The following POM121C variants were observed in gnomAD, a reference collection of about 807,000 sequenced individuals.
POM121C encodes nuclear envelope pore membrane protein POM 121C.
POM121C carries 20 observed loss-of-function variants against 66.4 expected under a neutral mutation model. The ratio of observed to expected loss-of-function variants is 0.30; its 90% CI spans 0.21 to 0.44. POM121C has a LOEUF of 0.44. POM121C is among the 20% of genes least tolerant of loss of function. The probability of loss-of-function intolerance (pLI) is 1.00; values close to 1 mark genes in which losing one functional copy is unlikely to be tolerated. For missense variants in POM121C, 580 were observed against 1,225.7 expected, an observed-to-expected ratio of 0.47 and a Z score of 7.87; for synonymous variants, 286 against 528.0, an observed-to-expected ratio of 0.54 and a Z score of 6.28.
At chr7:75,443,280 A>G (rs1399195468) in intron 3 of POM121C, among the ~76,000 whole-genome samples, 1 of 152,144 alleles carries the variant, frequency 6.6e-6, no homozygotes, top group Middle Eastern at 3.2e-3. Flanking sequence ...GTGGTTGCCT[A>G]GGGCTAAGGA....
At chr7:75,441,386 A>C (rs782443743) in intron 4 of POM121C, 46 bp downstream of exon 4, 15 of 1,583,126 alleles carry the variant, frequency 9.5e-6, no homozygotes, top group Non-Finnish European at 1.3e-5. Context: ...GAGAAGAATA[A>C]AGTGGACACG....
chr7:75,432,522 A>G (rs1423361491), intron 7 of POM121C, among the ~76,000 whole-genome samples: 3 of 152,228 alleles, frequency 2.0e-5, no homozygotes, highest in Non-Finnish European at 4.4e-5. Flanking sequence ...AAAAGGTGCT[A>G]ATAAGAAGGA....
rs1315094896 is a variant in POM121C, at chr7:75,437,828, T to A, written c.309-142A>T. 6.6e-6 allele frequency: 9 copies of A among 1,360,390 alleles called. No individual in the cohort carries two copies. In the African/African-American group the frequency reaches 1.3e-4, roughly 20 times the overall value. 84.3% of individuals were successfully genotyped at this position (1,360,390 alleles called of 1,614,324 possible). ...TTTTACTGCTAACAATCTGGCCAAA[T>A]CTATCTGACAAAGTCAGTAAGAAAA... On this transcript the variant is annotated intron_variant, in intron 6 of 14. Transcript: ENST00000615331.
chr7:75,470,965 C>T (rs1554478580), intron 3 of POM121C, among the ~76,000 whole-genome samples: 6 of 151,874 alleles, frequency 4.0e-5, no homozygotes. Context: ...AACTGGAACT[C>T]ATTTTTTTAA....
intron 3 of POM121C, 45 bp from the exon 4 acceptor site, chr7:75,441,692 A>G: frequency 6.8e-7 from 1 of 1,473,466 alleles, no homozygotes; most frequent in Non-Finnish European, 9.2e-7. Context: ...GTATAAAAGA[A>G]TGTCAAAATT....
At chr7:75,433,178 T>C (rs1790250741) in intron 7 of POM121C, among the ~76,000 whole-genome samples, 1 of 124,756 alleles carries the variant, frequency 8.0e-6, no homozygotes, top group Non-Finnish European at 1.6e-5. Flanking sequence ...GAGATTGCAG[T>C]GAGCTGAGAT....
At chr7:75,442,647 C>A in intron 3 of POM121C, 9 of 1,478,066 alleles carry the variant, frequency 6.1e-6, no homozygotes, top group Non-Finnish European at 8.0e-6. Context: ...CAGCCCCGGC[C>A]CCGGCCGTCC....
chr7:75,477,280 T>C (rs1554479527), intron 1 of POM121C, among the ~76,000 whole-genome samples: 3 of 152,074 alleles, frequency 2.0e-5, no homozygotes, highest in Admixed American at 6.6e-5. Context: ...TAGAGGAATA[T>C]AACTAAGAAA....
intron 7 of POM121C, among the ~76,000 whole-genome samples, chr7:75,430,912 T>TA (rs1790145926): frequency 6.6e-6 from 1 of 151,414 alleles, no homozygotes; most frequent in Admixed American, 6.6e-5. Flanking sequence ...CTGTCTTTAC[T>TA]AAAAATACAA....
rs1554470675 is a variant in POM121C, at chr7:75,421,682, C to T, written c.2570G>A (p.Gly857Asp). ...GAAAGCTCCGGTGGTGGCGCTGGAG[C>T]CTGGGGTGGCCACGTTGATCCCAAA... ...GSFGINVATP[G>D]SSATTGAFSF... The change falls in exon 13 of 15, where the codon GGC (glycine) becomes GAC (aspartate). Residue 857 changes from glycine to aspartate, a missense_variant. Physicochemically the swap from Gly to Asp is moderately conservative, Grantham distance 94. Coordinates refer to ENST00000615331, the MANE Select transcript of POM121C (RefSeq NM_001099415.3). The T allele has an allele frequency of 1.9e-6, 3 of 1,609,904 alleles. No homozygotes were observed. Among genetic ancestry groups the T allele is most frequent in the Non-Finnish European group, 2.5e-6 (3 of 1,178,638 alleles).
At chr7:75,453,599 GAC>G (rs1279877842) in intron 3 of POM121C, among the ~76,000 whole-genome samples, 1 of 148,394 alleles carries the variant, frequency 6.7e-6, no homozygotes, top group East Asian at 2.0e-4. Context: ...AAAAAAAAAA[GAC>G]ACAGTCTCAT....
chr7:75,465,895 CAAAAAAAAAAAAAA>C (rs35108311), intron 3 of POM121C, among the ~76,000 whole-genome samples: 5 of 15,222 alleles, frequency 3.3e-4, no homozygotes, highest in Admixed American at 1.2e-3. Flanking sequence ...CACCCTGTCT[CAAAAAAAAAAAAAA>C]AAAAAAAAAA....
In POM121C at chr7:75,425,176, C is replaced by T. The variant is rs782426956; in HGVS notation, c.666G>A (p.Arg222=). ...QGEKAADTTP[R]KKQNSNSQST... ...ACTGAGAATTCGAGTTTTGTTTCTT[C>T]CTTGGGGTTGTATCTGCAGCTAAAG... Residue 222 remains arginine, a synonymous_variant, in exon 10 of 15, where the codon AGG becomes AGA. Transcript: ENST00000615331. The T allele has an allele frequency of 6.7e-7, 1 of 1,485,400 alleles. No homozygotes were observed. Among genetic ancestry groups the T allele is most frequent in the East Asian group, 2.3e-5 (1 of 42,850 alleles). 92.0% of individuals were successfully genotyped at this position (1,485,400 alleles called of 1,614,324 possible).
At chr7:75,482,418 G>C (rs1196113309) in intron 1 of POM121C, among the ~76,000 whole-genome samples, 7 of 152,202 alleles carry the variant, frequency 4.6e-5, no homozygotes, top group Non-Finnish European at 8.8e-5. Context: ...TCTAGGCCGG[G>C]AGCAGTGGCT....
chr7:75,436,829 C>A (rs1368961781), intron 7 of POM121C, among the ~76,000 whole-genome samples: 2 of 151,982 alleles, frequency 1.3e-5, no homozygotes, highest in Non-Finnish European at 2.9e-5. Flanking sequence ...CTCTGTTGCA[C>A]AGGCTAGTCT....
At chr7:75,437,226 T>C (rs1790452260) in intron 7 of POM121C, among the ~76,000 whole-genome samples, 1 of 152,266 alleles carries the variant, frequency 6.6e-6, no homozygotes, top group Non-Finnish European at 1.5e-5. Flanking sequence ...CAATGATCTG[T>C]ATTTTCTATT....
intron 7 of POM121C, among the ~76,000 whole-genome samples, chr7:75,431,429 C>A (rs1696881939): frequency 1.3e-5 from 2 of 151,180 alleles, no homozygotes; most frequent in African/African-American, 4.9e-5. Flanking sequence ...CATGCAGAAA[C>A]CCCATCTCCA....
At position 75,422,003 on chromosome 7, in the gene POM121C, G is replaced by C. The variant is rs782811296; in HGVS notation, c.2249C>G (p.Ser750Cys). ...GTGCGCAGGCACGATCTTGATCGTG[G>C]ACGCAGGTGCAGGTGTGGGTGCAGT... Reference protein sequence around the residue: ...PATAPTPAPASTIKIVPAHVP... With the variant: ...PATAPTPAPACTIKIVPAHVP... The change falls in exon 13 of 15, where the codon TCC becomes TGC. Residue 750 changes from serine to cysteine, a missense_variant. By Grantham distance (112) the Ser-to-Cys change is moderately radical (BLOSUM62 -1). Transcript: ENST00000615331. 1 of 1,613,890 alleles carries C rather than the reference G, an allele frequency of 6.2e-7. No homozygotes were observed. The highest frequency in any genetic ancestry group is 1.7e-5 in the Admixed American group (1 of 60,030).
Position 75,441,508 on chromosome 7 carries a change from G to T in POM121C, c.-12C>A, listed in dbSNP as rs782279892. The T allele has an allele frequency of 5.6e-6, 9 of 1,613,742 alleles. No homozygotes were observed. In the South Asian group the frequency reaches 9.9e-5, roughly 18 times the overall value. On this transcript the variant is annotated 5_prime_UTR_variant, in exon 4 of 15. Coordinates refer to ENST00000615331, the MANE Select transcript of POM121C (RefSeq NM_001099415.3). ...GGGCTACACACCATCCTGGAGTTGC[G>T]AGGGGACAGCACAGCCTTCTTGTGA...
Sources: gnomAD v4.1 joint callset for allele counts (sites outside exome capture counted in the v4.1 genomes callset) on GRCh38, gnomAD v4.1.1 for gene constraint, MANE v1.5 for transcripts, NCBI Gene and HGNC (gene_info 2026-07-23, HGNC 2026-07-21) for gene names.